ZNF33A: variants seen among roughly 807,000 people sequenced by gnomAD.
ZNF33A encodes the protein brain my041 protein.
In ZNF33A, 9 loss-of-function variants were observed where a neutral mutation model predicts 15.9. The ratio of observed to expected loss-of-function variants is 0.57; its 90% confidence interval spans 0.34 to 0.99. The LOEUF (loss-of-function observed/expected upper bound fraction) is 0.99. ZNF33A is among the 50% of genes least tolerant of loss of function. ZNF33A has a pLI of 0.02. For synonymous variants in ZNF33A, 294 were observed against 324.2 expected (o/e 0.91, Z 1.00); for missense variants, 843 against 941.6 (o/e 0.90, Z 1.37).
chr10:38,015,094 T>C (rs2064387148), intron 2 of ZNF33A, among the ~76,000 whole-genome samples: 1 of 152,028 alleles, frequency 6.6e-6, no homozygotes, highest in African/African-American at 2.4e-5. Flanking sequence ...AGGCTGGTCT[T>C]GAACTCCTGA....
intron 4 of ZNF33A, among the ~76,000 whole-genome samples, chr10:38,042,135 CAG>C (rs2065729359): frequency 6.6e-6 from 1 of 151,824 alleles, no homozygotes; most frequent in Non-Finnish European, 1.5e-5. Context: ...TGTGTGGATT[CAG>C]AGTTACCATC....
intron 4 of ZNF33A, among the ~76,000 whole-genome samples, chr10:38,029,453 G>A (rs1422473082): frequency 1.3e-5 from 2 of 152,176 alleles, no homozygotes; most frequent in African/African-American, 4.8e-5. Context: ...AAGTAAAAAT[G>A]CCACAAAACT....
chr10:38,016,682 G>T (rs1484217188), intron 2 of ZNF33A, among the ~76,000 whole-genome samples, 189 bp from the exon 3 acceptor site: 1 of 152,114 alleles, frequency 6.6e-6, no homozygotes, highest in Non-Finnish European at 1.5e-5. Flanking sequence ...GATAGTTCCA[G>T]GTACTTTGTA....
intron 2 of ZNF33A, among the ~76,000 whole-genome samples, chr10:38,013,890 C>T (rs2064316823): frequency 2.0e-5 from 3 of 152,058 alleles, no homozygotes; most frequent in Admixed American, 2.0e-4. Context: ...CCTGAAGCTG[C>T]CGTCTTGTCC....
intron 4 of ZNF33A, among the ~76,000 whole-genome samples, chr10:38,051,671 GTTA>G (rs1451243821): frequency 6.6e-6 from 1 of 151,754 alleles, no homozygotes; most frequent in East Asian, 1.9e-4. Context: ...TTGTAAATTT[GTTA>G]TTATATATTA....
chr10:38,027,510 A>G (rs1223210889), intron 4 of ZNF33A, among the ~76,000 whole-genome samples: 1 of 149,962 alleles, frequency 6.7e-6, no homozygotes, highest in Non-Finnish European at 1.5e-5. Context: ...CACCATGCCC[A>G]CTATGCCCAG....
Position 38,057,826 on chromosome 10 carries a change from G to A in ZNF33A, c.*1266G>A. 4.1e-6 allele frequency: 4 copies of A among 985,396 alleles called. No individual in the cohort carries two copies. Among genetic ancestry groups the A allele is most frequent in the Non-Finnish European group, 4.8e-6 (4 of 829,962 alleles). The allele number at this position is 985,396 out of a possible 1,614,324, so 61.0% of individuals were successfully genotyped here. On this transcript the variant is annotated 3_prime_UTR_variant, in exon 5 of 5. Transcript: ENST00000432900. ...GCTCTCCAAGACAGGGCCCTGGAAA[G>A]GCCCACACATACAGCCCAGGGCTGC...
chr10:38,011,058 T>TG (rs2064155916), intron 1 of ZNF33A, among the ~76,000 whole-genome samples: 1 of 152,154 alleles, frequency 6.6e-6, no homozygotes, highest in African/African-American at 2.4e-5. Flanking sequence ...CGCTGAGCCT[T>TG]GCGGGAGGGG....
At chr10:38,021,961 G>A (rs961824286) in intron 4 of ZNF33A, among the ~76,000 whole-genome samples, 38 of 152,234 alleles carry the variant, frequency 2.5e-4, no homozygotes, top group African/African-American at 8.4e-4. Context: ...AGACCATACC[G>A]TATCAATATA....
At chr10:38,048,819 C>T (rs1172187420) in intron 4 of ZNF33A, among the ~76,000 whole-genome samples, 1 of 152,058 alleles carries the variant, frequency 6.6e-6, no homozygotes, top group Non-Finnish European at 1.5e-5. Context: ...CAGTTATAAT[C>T]AGAGGTTTTA....
intron 1 of ZNF33A, 146 bp downstream of exon 1, chr10:38,010,929 G>C: frequency 1.0e-6 from 1 of 968,522 alleles, no homozygotes; most frequent in Non-Finnish European, 1.5e-6. Context: ...CAGCGTGTGG[G>C]CCACGACGCT....
chr10:38,012,425 G>GGTTTTTT, intron 2 of ZNF33A, 75 bp downstream of exon 2: 1 of 527,984 alleles, frequency 1.9e-6, no homozygotes, highest in South Asian at 2.4e-5. Flanking sequence ...TATGGTGTTT[G>GGTTTTTT]TTTTTTTTTT....
chr10:38,055,435 G>A lies in ZNF33A; in HGVS notation c.1311G>A (p.Gly437=), dbSNP rs370616746. ...DLTKHQRTHT[G]LKPYECYECG... ...CTAAACATCAGAGAACACACACAGG[G>A]CTGAAACCCTATGAATGTTATGAAT... Residue 437 remains glycine, a synonymous_variant, in exon 5 of 5, where the codon GGG becomes GGA. Transcript: ENST00000432900. 3.7e-6 allele frequency: 6 copies of A among 1,613,864 alleles called. No homozygotes were observed. The highest frequency in any genetic ancestry group is 4.2e-6 in the Non-Finnish European group (5 of 1,179,988).
intron 4 of ZNF33A, among the ~76,000 whole-genome samples, chr10:38,044,303 G>A (rs566205380): frequency 6.6e-6 from 1 of 151,346 alleles, no homozygotes; most frequent in Non-Finnish European, 1.5e-5. Flanking sequence ...TGCCTCCCGG[G>A]TTCATGCAAT....
intron 4 of ZNF33A, among the ~76,000 whole-genome samples, chr10:38,026,421 G>A (rs1213369893): frequency 3.3e-5 from 5 of 152,068 alleles, no homozygotes; most frequent in African/African-American, 9.7e-5. Context: ...CACAACCTCC[G>A]CCTCCTGGGT....
rs544945620 is a variant in ZNF33A, at chr10:38,059,287, A to G, written c.*2727A>G. 55 of 152,308 alleles carry G rather than the reference A, an allele frequency of 3.6e-4. No individual in the cohort carries two copies. Among genetic ancestry groups the G allele is most frequent in the African/African-American group, 1.3e-3 (53 of 41,570 alleles). The allele number at this position is 152,308 out of a possible 1,614,324, so 9.4% of individuals were successfully genotyped here. A position where few individuals can be genotyped will look rare whatever the true frequency, so the allele number is the denominator to read the frequency against. ...GATGTTTCCAACTAGACACTTTCCT[A>G]CTAAGATCAGGAACATGGCAAGGAA... On this transcript the variant is annotated 3_prime_UTR_variant, in exon 5 of 5. Transcript: ENST00000432900.
At chr10:38,062,458 C>T (rs910336580), downstream of ZNF33A, among the ~76,000 whole-genome samples, 7 of 152,152 alleles carry the variant, frequency 4.6e-5, no homozygotes, top group Non-Finnish European at 8.8e-5. Flanking sequence ...CAACACCTAA[C>T]GGCATGGTCC....
intron 4 of ZNF33A, among the ~76,000 whole-genome samples, chr10:38,028,962 T>A (rs545985927): frequency 6.6e-6 from 1 of 152,342 alleles, no homozygotes; most frequent in African/African-American, 2.4e-5. Context: ...ACCTAGCACC[T>A]TACTCATCCC....
chr10:38,066,414 T>G (rs1358629943), downstream of ZNF33A, among the ~76,000 whole-genome samples: 1 of 151,812 alleles, frequency 6.6e-6, no homozygotes, highest in African/African-American at 2.4e-5. Context: ...CTACCATACC[T>G]GGTTAATTTT....
Sources: gnomAD v4.1 joint callset for allele counts (sites outside exome capture counted in the v4.1 genomes callset) on GRCh38, gnomAD v4.1.1 for gene constraint, MANE v1.5 for transcripts, NCBI Gene and HGNC (gene_info 2026-07-23, HGNC 2026-07-21) for gene names.